Variants in ALDH7A1 observed in about 807,000 individuals in gnomAD.
ALDH7A1 encodes the protein aldehyde dehydrogenase 7 family member A1.
ALDH7A1 carries 63 observed loss-of-function variants against 79.9 expected under a neutral mutation model. That is an observed-to-expected ratio of 0.79 (90% CI 0.64 to 0.97). The LOEUF is 0.97. Among genes scored for constraint, ALDH7A1 ranks in the 50% least tolerant of loss-of-function variants. The probability of loss-of-function intolerance (pLI) is 0.00; values close to 1 mark genes in which losing one functional copy is unlikely to be tolerated. For missense variants in ALDH7A1, 627 were observed against 665.2 expected (o/e 0.94, Z 0.63); for synonymous variants, 240 against 231.2 (o/e 1.04, Z -0.34).
chr5:126,558,277 TA>T lies in ALDH7A1; in HGVS notation c.1008+962del, dbSNP rs563901711. Among the ~76,000 whole-genome samples the T allele has an allele frequency of 8.0e-5, 12 of 150,038 alleles. No homozygotes were observed. In the South Asian group the frequency reaches 2.3e-3, roughly 29 times the overall value. Reference sequence around the variant, plus strand: ...TCATGAAAATCAAAGTTGTAACACATACTAAACTCAAGACCAGCTCAATCTA... The same window carrying T: ...TCATGAAAATCAAAGTTGTAACACATCTAAACTCAAGACCAGCTCAATCTA... On this transcript the variant is annotated intron_variant, in intron 11 of 17. Transcript: ENST00000409134.
intron 16 of ALDH7A1, among the ~76,000 whole-genome samples, chr5:126,547,408 G>A (rs553483875): frequency 3.3e-5 from 5 of 152,332 alleles, no homozygotes; most frequent in Non-Finnish European, 7.3e-5. Flanking sequence ...CGCACATGCT[G>A]GGGGAATGAA....
intron 7 of ALDH7A1, among the ~76,000 whole-genome samples, chr5:126,571,375 G>C (rs894368177): frequency 1.3e-5 from 2 of 151,310 alleles, no homozygotes; most frequent in African/African-American, 4.9e-5. Context: ...CTACTCAGGA[G>C]GCTGAGGCAG....
intron 8 of ALDH7A1, 95 bp downstream of exon 8, chr5:126,570,687 T>C: frequency 8.3e-7 from 1 of 1,200,936 alleles, no homozygotes; most frequent in Non-Finnish European, 1.2e-6. Context: ...TCTCAACTCC[T>C]TAGTTATAAG....
At position 126,593,108 on chromosome 5, in the gene ALDH7A1, C is replaced by A. The variant is rs187634488; in HGVS notation, c.246+243G>T. Reference sequence around the variant, plus strand: ...AATGGCCCCCTGCCTAATCTTTCTACGCTTCACCTTTTCTATGGTTCTTTC... The same window carrying A: ...AATGGCCCCCTGCCTAATCTTTCTAAGCTTCACCTTTTCTATGGTTCTTTC... On this transcript the variant is annotated intron_variant, in intron 2 of 17. Transcript: ENST00000409134. Among the ~76,000 whole-genome samples the A allele has an allele frequency of 5.3e-5, 8 of 152,292 alleles. No individual in the cohort carries two copies. The South Asian group carries it at 8.3e-4, about 16-fold the overall frequency.
In ALDH7A1 at chr5:126,575,415, C is replaced by T. The variant is rs760781849; in HGVS notation, c.695+5G>A. ...CCCAGGAAAAAGAAAGCCACATGTA[C>T]TTACTTTGTGACAGCCACACTAATG... On this transcript the variant is annotated splice_donor_5th_base_variant and intron_variant, in intron 7 of 17. Coordinates refer to ENST00000409134, the MANE Select transcript of ALDH7A1 (RefSeq NM_001182.5). The T allele has an allele frequency of 6.2e-7, 1 of 1,612,992 alleles. No homozygotes were observed. Among genetic ancestry groups the T allele is most frequent in the Non-Finnish European group, 8.5e-7 (1 of 1,179,448 alleles).
rs2112768620 is a variant in ALDH7A1, at chr5:126,559,415, TTTTTTG to T, written c.914-87_914-82del. The T allele has an allele frequency of 2.7e-6, 3 of 1,103,792 alleles. No individual in the cohort carries two copies. In the East Asian group the frequency reaches 7.4e-5, roughly 27 times the overall value. The allele number at this position is 1,103,792 out of a possible 1,614,324, so 68.4% of individuals were successfully genotyped here. A position where few individuals can be genotyped will look rare whatever the true frequency, so the allele number is the denominator to read the frequency against. ...TGTTAGCTGGTATAAAACAATGTTG[TTTTTTG>T]TTTTTGGTTTTGGTTTTTTTTTTTT... On this transcript the variant is annotated intron_variant, in intron 10 of 17. Coordinates refer to ENST00000409134, the MANE Select transcript of ALDH7A1 (RefSeq NM_001182.5).
intron 5 of ALDH7A1, among the ~76,000 whole-genome samples, chr5:126,578,392 T>A (rs990261860): frequency 1.3e-5 from 2 of 151,928 alleles, no homozygotes; most frequent in East Asian, 3.9e-4. Context: ...GCCTACAATG[T>A]CCAGCACTTT....
In ALDH7A1 at chr5:126,552,023, T is replaced by G. The variant is rs12514417; in HGVS notation, c.1315A>C (p.Lys439Gln). 0.096 allele frequency: 154,388 copies of G among 1,609,982 alleles called. 8,257 individuals are homozygous for G. The highest frequency in any genetic ancestry group is 0.2 in the Admixed American group (12,242 of 59,980). The change falls in exon 14 of 18, where the codon AAG (lysine) becomes CAG (glutamine). Residue 439 changes from lysine (K) to glutamine (Q), a missense_variant and splice_region_variant. By Grantham distance (53) the Lys-to-Gln change is moderately conservative. Transcript: ENST00000409134. Reference protein sequence around the residue: ...FAPILYVFKFKNEEEVFAWNN... With the variant: ...FAPILYVFKFQNEEEVFAWNN... Reference sequence around the variant, plus strand: ...TAGCGAACAGAATGCATTTTTACCTTGAATTTAAAGACATAGAGAATCGGA... The same window carrying G: ...TAGCGAACAGAATGCATTTTTACCTGGAATTTAAAGACATAGAGAATCGGA...
At chr5:126,559,136 A>G (rs1750305021) in intron 11 of ALDH7A1, 104 bp downstream of exon 11, 3 of 903,798 alleles carry the variant, frequency 3.3e-6, no homozygotes. Context: ...ACATCTAGAG[A>G]GCATGTTGTT....
chr5:126,574,163 G>T (rs1236730396), intron 7 of ALDH7A1, among the ~76,000 whole-genome samples: 1 of 151,700 alleles, frequency 6.6e-6, no homozygotes, highest in Non-Finnish European at 1.5e-5. Context: ...CACTTTGGGA[G>T]GCCAAGGCAG....
intron 1 of ALDH7A1, 123 bp downstream of exon 1, chr5:126,594,884 A>T: frequency 7.5e-7 from 1 of 1,329,498 alleles, no homozygotes; most frequent in Non-Finnish European, 1.1e-6. Context: ...TTTACTGTGG[A>T]GCTTCAAAAT....
intron 1 of ALDH7A1, chr5:126,594,231 C>G (rs1404933062): frequency 2.1e-6 from 1 of 470,894 alleles, no homozygotes; most frequent in Non-Finnish European, 4.4e-6. Context: ...GCCCAACGTA[C>G]AACATGGCAA....
intron 1 of ALDH7A1, among the ~76,000 whole-genome samples, chr5:126,594,755 G>A (rs573506731): frequency 1.3e-5 from 2 of 152,122 alleles, no homozygotes; most frequent in East Asian, 3.9e-4. Flanking sequence ...AGACCATAAT[G>A]TTTTAAATAT....
At chr5:126,587,920 T>G (rs145474656) in intron 3 of ALDH7A1, 2 of 152,182 alleles carry the variant, frequency 1.3e-5, no homozygotes, top group East Asian at 3.9e-4. Context: ...TAACTCAAAA[T>G]CAAACAAGTA....
Position 126,565,221 on chromosome 5 carries a change from T to C in ALDH7A1, c.871+3038A>G, listed in dbSNP as rs554623653. On this transcript the variant is annotated intron_variant, in intron 9 of 17. Coordinates refer to ENST00000409134, the MANE Select transcript of ALDH7A1 (RefSeq NM_001182.5). Reference sequence around the variant, plus strand: ...CAGCCTGGCCAAGATGGTGAAACCCTGTCTCTACTAAAAATACAAAAATTA... The same window carrying C: ...CAGCCTGGCCAAGATGGTGAAACCCCGTCTCTACTAAAAATACAAAAATTA... Among the ~76,000 whole-genome samples the C allele has an allele frequency of 1.1e-4, 16 of 152,034 alleles. No individual in the cohort carries two copies. The South Asian group carries it at 2.9e-3, about 28-fold the overall frequency.
At chr5:126,565,005 T>G (rs1404753626) in intron 9 of ALDH7A1, among the ~76,000 whole-genome samples, 1 of 152,066 alleles carries the variant, frequency 6.6e-6, no homozygotes, top group African/African-American at 2.4e-5. Context: ...AACTACCGCC[T>G]TGAGTAAGGA....
intron 14 of ALDH7A1, among the ~76,000 whole-genome samples, chr5:126,551,628 T>C (rs775383776): frequency 4.9e-4 from 75 of 152,252 alleles, no homozygotes; most frequent in Middle Eastern, 3.4e-3. Flanking sequence ...TGGCCAACTA[T>C]AGGTCTTTGT....
chr5:126,591,189 G>C (rs1466312217), intron 3 of ALDH7A1, among the ~76,000 whole-genome samples: 1 of 152,042 alleles, frequency 6.6e-6, no homozygotes, highest in Non-Finnish European at 1.5e-5. Flanking sequence ...AAACAATGAA[G>C]GACACTGTTT....
At chr5:126,568,134 G>A in intron 9 of ALDH7A1, 125 bp downstream of exon 9, 1 of 859,662 alleles carries the variant, frequency 1.2e-6, no homozygotes, top group Non-Finnish European at 2.0e-6. Flanking sequence ...CTTTTACTTA[G>A]ACATTCAAAT....
Sources: allele counts gnomAD v4.1 joint callset (sites outside exome capture counted in the v4.1 genomes callset), GRCh38; gene constraint gnomAD v4.1.1; transcripts MANE v1.5; gene names NCBI Gene and HGNC (gene_info 2026-07-23, HGNC 2026-07-21).